Variants in CRACR2A observed in about 807,000 individuals in gnomAD.
CRACR2A encodes the protein calcium release activated channel regulator 2A.
A neutral mutation model predicts 90.5 loss-of-function variants in CRACR2A; 79 were observed. That is an observed-to-expected ratio of 0.87 (90% CI 0.73 to 1.05). The LOEUF (loss-of-function observed/expected upper bound fraction) is 1.05. Ranked by LOEUF, CRACR2A falls within the 50% of genes least tolerant of loss-of-function variation. The probability of loss-of-function intolerance (pLI) is 0.00; values close to 1 mark genes in which losing one functional copy is unlikely to be tolerated. For missense variants in CRACR2A, 823 were observed against 897.2 expected (o/e 0.92, Z 1.06); for synonymous variants, 338 against 356.7 (o/e 0.95, Z 0.59).
intron 1 of CRACR2A, among the ~76,000 whole-genome samples, chr12:3,742,277 T>C (rs1946538918): frequency 6.6e-6 from 1 of 152,250 alleles, no homozygotes. Context: ...GGTGGATAAC[T>C]GTATAAGGAG....
chr12:3,650,855 T>C (rs1280594305), intron 10 of CRACR2A, among the ~76,000 whole-genome samples: 1 of 152,234 alleles, frequency 6.6e-6, no homozygotes, highest in Non-Finnish European at 1.5e-5. Flanking sequence ...GAAATACATG[T>C]GAATACAGGT....
intron 4 of CRACR2A, among the ~76,000 whole-genome samples, chr12:3,686,360 A>C (rs1945553238): frequency 6.6e-6 from 1 of 152,238 alleles, no homozygotes; most frequent in Non-Finnish European, 1.5e-5. Context: ...CTGTGTTCCA[A>C]GAAAACTTTA....
intron 14 of CRACR2A, among the ~76,000 whole-genome samples, chr12:3,634,474 TG>T (rs1944425919): frequency 1.3e-5 from 2 of 152,134 alleles, no homozygotes; most frequent in African/African-American, 4.8e-5. Flanking sequence ...GGGAAACGGC[TG>T]GGACAGGAAA....
intron 17 of CRACR2A, among the ~76,000 whole-genome samples, chr12:3,625,037 C>A (rs887059302): frequency 6.6e-6 from 1 of 152,130 alleles, no homozygotes; most frequent in African/African-American, 2.4e-5. Flanking sequence ...TGATGTTCAC[C>A]CAGGTTTAGA....
At chr12:3,704,760 C>T (rs1299015563) in intron 3 of CRACR2A, among the ~76,000 whole-genome samples, 2 of 152,128 alleles carry the variant, frequency 1.3e-5, no homozygotes, top group African/African-American at 4.8e-5. Flanking sequence ...AGCAATTTCC[C>T]TGTGAAAACT....
intron 2 of CRACR2A, among the ~76,000 whole-genome samples, chr12:3,722,644 A>G (rs1946200281): frequency 6.6e-6 from 1 of 152,224 alleles, no homozygotes; most frequent in African/African-American, 2.4e-5. Context: ...CAGGACACAC[A>G]GTACCAACAG....
chr12:3,680,453 C>T (rs1945427396), intron 4 of CRACR2A, 104 bp from the exon 5 acceptor site: 1 of 901,704 alleles, frequency 1.1e-6, no homozygotes, highest in South Asian at 1.5e-5. Context: ...GAGTTCGGCC[C>T]AGTCCTACAA....
At chr12:3,748,908 G>A (rs1340425805) in intron 1 of CRACR2A, among the ~76,000 whole-genome samples, 1 of 152,178 alleles carries the variant, frequency 6.6e-6, no homozygotes, top group Non-Finnish European at 1.5e-5. Flanking sequence ...AGACCCCAAA[G>A]GTCCCTCTCC....
chr12:3,713,370 A>G, intron 2 of CRACR2A, 53 bp from the exon 3 acceptor site: 1 of 932,900 alleles, frequency 1.1e-6, no homozygotes, highest in Non-Finnish European at 1.3e-6. Flanking sequence ...GAGGGTTACA[A>G]CAGAAGTGGC....
At position 3,644,646 on chromosome 12, in the gene CRACR2A, G is replaced by A. The variant is rs1161215629; in HGVS notation, c.1119-6C>T. ...GAAGGTGCTTGTTCCTTTCCCTGTG[G>A]ATGGTAAAGGGGAATCTATTCAAAC... On this transcript the variant is annotated splice_region_variant and splice_polypyrimidine_tract_variant and intron_variant, in intron 11 of 19. Coordinates refer to ENST00000440314, the MANE Select transcript of CRACR2A (RefSeq NM_001144958.2). 3 of 1,551,574 alleles carry A rather than the reference G, an allele frequency of 1.9e-6. No homozygotes were observed. The highest frequency in any genetic ancestry group is 1.7e-6 in the Non-Finnish European group (2 of 1,146,880).
At chr12:3,695,859 G>C (rs1290184768) in intron 4 of CRACR2A, among the ~76,000 whole-genome samples, 3 of 152,208 alleles carry the variant, frequency 2.0e-5, no homozygotes, top group Non-Finnish European at 2.9e-5. Context: ...CAGCATAAGA[G>C]ACTTCAGTCA....
intron 6 of CRACR2A, among the ~76,000 whole-genome samples, chr12:3,678,698 GA>G (rs971647422): frequency 5.3e-5 from 8 of 150,944 alleles, no homozygotes; most frequent in Admixed American, 4.6e-4. Flanking sequence ...GATTCCTAAA[GA>G]AAAAAAAATG....
chr12:3,701,677 CAAA>C (rs1380326295), intron 3 of CRACR2A, among the ~76,000 whole-genome samples: 1 of 152,010 alleles, frequency 6.6e-6, no homozygotes, highest in African/African-American at 2.4e-5. Flanking sequence ...GATAGTTAAA[CAAA>C]AAATCTTCCC....
intron 10 of CRACR2A, among the ~76,000 whole-genome samples, chr12:3,650,086 C>T (rs191869624): frequency 2.0e-5 from 3 of 152,316 alleles, no homozygotes; most frequent in Admixed American, 2.0e-4. Context: ...CGTTTCCAAA[C>T]TGCAGCACAG....
At chr12:3,745,825 T>TAAAATAATAAAATAAAATAAAATAAAG (rs149739964) in intron 1 of CRACR2A, among the ~76,000 whole-genome samples, 1 of 100,486 alleles carries the variant, frequency 1.0e-5, no homozygotes, top group East Asian at 3.1e-4. Flanking sequence ...TAAAATAAAA[T>TAAAATAATAAAATAAAATAAAATAAAG]AAAGAAAGAA....
In CRACR2A at chr12:3,720,325, CAGAA is replaced by C. The variant is rs961086589; in HGVS notation, c.-117-7012_-117-7009del. On this transcript the variant is annotated intron_variant, in intron 2 of 19. Transcript: ENST00000440314. Reference sequence around the variant, plus strand: ...AAAGAAAGAAGGAAAGAAAGAGAGACAGAAAGAAAAGAAAGAAAGAAAGAAAAAG... The same window carrying C: ...AAAGAAAGAAGGAAAGAAAGAGAGACAGAAAAGAAAGAAAGAAAGAAAAAG... Among the ~76,000 whole-genome samples, 18 of 118,602 alleles carry C rather than the reference CAGAA, an allele frequency of 1.5e-4. No individual in the cohort carries two copies. In the South Asian group the frequency reaches 2.0e-3, roughly 13 times the overall value. The allele number at this position is 118,602 out of a possible 152,430, so 77.8% of individuals were successfully genotyped here. A position where few individuals can be genotyped will look rare whatever the true frequency, so the allele number is the denominator to read the frequency against.
rs1944414622 is a variant in CRACR2A, at chr12:3,633,751, C to G, written c.1603-15G>C. The G allele has an allele frequency of 1.3e-6, 2 of 1,551,562 alleles. No individual in the cohort carries two copies. Among genetic ancestry groups the G allele is most frequent in the East Asian group, 4.9e-5 (2 of 40,914 alleles). On this transcript the variant is annotated splice_polypyrimidine_tract_variant and intron_variant, in intron 14 of 19. Transcript: ENST00000440314. The surrounding 1 kb of genome is among the most constrained non-coding windows in gnomAD (Gnocchi z 4.5). ...GAGCTTTCCTCCTGTGGATGGCACA[C>G]AATCTGACCAACTGCAGGGAATAGT... is the stretch of plus-strand genomic sequence containing the variant.
chr12:3,722,576 G>A (rs1163263327), intron 2 of CRACR2A, among the ~76,000 whole-genome samples: 1 of 152,160 alleles, frequency 6.6e-6, no homozygotes, highest in Non-Finnish European at 1.5e-5. Flanking sequence ...TTACAGCTGA[G>A]GGGTGATGAA....
chr12:3,752,635 T>C (rs1347606741), intron 1 of CRACR2A: 2 of 152,442 alleles, frequency 1.3e-5, no homozygotes, highest in East Asian at 3.9e-4. Context: ...ACCTGCAAGG[T>C]AGGAGTTTTG....
Sources: gnomAD v4.1 joint callset for allele counts (sites outside exome capture counted in the v4.1 genomes callset) on GRCh38, gnomAD v4.1.1 for gene constraint, Gnocchi (gnomAD v3.1) non-coding constraint, MANE v1.5 for transcripts, NCBI Gene and HGNC (gene_info 2026-07-23, HGNC 2026-07-21) for gene names.